DUSP22: variants seen among roughly 807,000 people sequenced by gnomAD.
DUSP22 encodes dual specificity phosphatase 22, also known as dual specificity protein phosphatase 22.
In DUSP22, 24 loss-of-function variants were observed where a neutral mutation model predicts 24.5. The ratio of observed to expected loss-of-function variants is 0.98; its 90% CI spans 0.71 to 1.38. DUSP22 has a LOEUF of 1.38. Ranked by LOEUF, DUSP22 falls within the 40% of genes most tolerant of loss-of-function variation. The pLI is 0.00. For synonymous variants in DUSP22, 160 were observed against 106.4 expected, an observed-to-expected ratio of 1.50 and a Z score of -3.10; for missense variants, 330 against 269.2, an observed-to-expected ratio of 1.23 and a Z score of -1.58.
At chr6:343,747 C>T (rs1283903437) in intron 4 of DUSP22, among the ~76,000 whole-genome samples, 1 of 50,068 alleles carries the variant, frequency 2.0e-5, no homozygotes, top group African/African-American at 9.3e-5. Flanking sequence ...CCTGGCTGTC[C>T]TCATCTCACT....
At chr6:313,082 A>G (rs1758181765) in intron 3 of DUSP22, among the ~76,000 whole-genome samples, 2 of 152,070 alleles carry the variant, frequency 1.3e-5, no homozygotes, top group Non-Finnish European at 2.9e-5. Flanking sequence ...GAAAATAACC[A>G]CTCCATTTTT....
At chr6:327,627 C>G (rs1219564954) in intron 3 of DUSP22, among the ~76,000 whole-genome samples, 1 of 152,300 alleles carries the variant, frequency 6.6e-6, no homozygotes, top group Admixed American at 6.5e-5. Context: ...GTGCCAGGGC[C>G]ATGCGCCTGT....
chr6:346,464 A>G (rs1268746408), intron 5 of DUSP22, among the ~76,000 whole-genome samples: 3 of 152,270 alleles, frequency 2.0e-5, no homozygotes, highest in Admixed American at 1.3e-4. Context: ...ACACAGTGAA[A>G]AGAAAGCTAC....
chr6:311,201 G>A (rs1758070039), intron 2 of DUSP22, among the ~76,000 whole-genome samples: 1 of 152,296 alleles, frequency 6.6e-6, no homozygotes, highest in Non-Finnish European at 1.5e-5. Context: ...ATGTCTACTT[G>A]GCATCAGTCT....
chr6:312,017 T>C, intron 3 of DUSP22, 55 bp downstream of exon 3: 3 of 1,569,240 alleles, frequency 1.9e-6, no homozygotes, highest in Non-Finnish European at 8.7e-7. Context: ...TCCGTGGGAG[T>C]ACCTACGACG....
chr6:318,687 A>G (rs1245093009), intron 3 of DUSP22, among the ~76,000 whole-genome samples: 1 of 152,310 alleles, frequency 6.6e-6, no homozygotes, highest in African/African-American at 2.4e-5. Context: ...CTCCAGGCAC[A>G]AGGAGGATAA....
intron 2 of DUSP22, among the ~76,000 whole-genome samples, chr6:305,618 A>G (rs1757785270): frequency 6.6e-6 from 1 of 152,300 alleles, no homozygotes; most frequent in Non-Finnish European, 1.5e-5. Context: ...GCTCTGGAGC[A>G]CGGTGGTCAC....
intron 3 of DUSP22, among the ~76,000 whole-genome samples, chr6:313,950 G>T (rs868643765): frequency 6.6e-6 from 1 of 152,312 alleles, no homozygotes; most frequent in Non-Finnish European, 1.5e-5. Context: ...GGGGCACAAA[G>T]GCAGTCTTCT....
Position 346,913 on chromosome 6 carries a change from G to A in DUSP22, c.263+985G>A, listed in dbSNP as rs921459047. 3.9e-5 allele frequency among the ~76,000 whole-genome samples: 6 copies of A among 152,306 alleles called. No homozygotes were observed. The South Asian group carries it at 8.3e-4, about 21-fold the overall frequency. ...AAAACTATAATGTGTTCTGAGGGCC[G>A]ATAGGGACGACAGGGAGGACGCTAG... On this transcript the variant is annotated intron_variant, in intron 5 of 6. Coordinates refer to ENST00000419235, the MANE Select transcript of DUSP22 (RefSeq NM_001286555.3).
chr6:323,067 C>T (rs1758684588), intron 3 of DUSP22, among the ~76,000 whole-genome samples: 1 of 152,308 alleles, frequency 6.6e-6, no homozygotes, highest in Non-Finnish European at 1.5e-5. Context: ...TGTTTGCCCA[C>T]ACCTGCAAGG....
At chr6:306,028 G>C (rs1229125142) in intron 2 of DUSP22, among the ~76,000 whole-genome samples, 1 of 152,306 alleles carries the variant, frequency 6.6e-6, no homozygotes, top group African/African-American at 2.4e-5. Flanking sequence ...AGAGCTGACA[G>C]CTGCTAATTG....
intron 3 of DUSP22, among the ~76,000 whole-genome samples, chr6:315,435 G>A (rs1478580603): frequency 1.3e-5 from 2 of 152,306 alleles, no homozygotes; most frequent in Non-Finnish European, 2.9e-5. Context: ...TGGGTAGCTT[G>A]ATGGGAAGCC....
At chr6:316,620 G>A (rs1316507382) in intron 3 of DUSP22, among the ~76,000 whole-genome samples, 4 of 152,290 alleles carry the variant, frequency 2.6e-5, no homozygotes, top group Non-Finnish European at 2.9e-5. Flanking sequence ...ATTGAGCAAT[G>A]AAAGGTTTCT....
At chr6:308,581 C>T (rs908171072) in intron 2 of DUSP22, among the ~76,000 whole-genome samples, 5 of 152,298 alleles carry the variant, frequency 3.3e-5, no homozygotes, top group East Asian at 3.8e-4. Context: ...AGTGGGCTGT[C>T]GTGATATCAA....
intron 3 of DUSP22, among the ~76,000 whole-genome samples, chr6:312,591 A>G (rs1758158633): frequency 6.6e-6 from 1 of 152,294 alleles, no homozygotes; most frequent in Non-Finnish European, 1.5e-5. Context: ...GCCTTGACAG[A>G]GCCCGAGTTA....
In DUSP22 at chr6:350,652, A is replaced by G. The variant is rs940315019; in HGVS notation, c.*1701A>G. ...CGTCTACAGCTAAAACAATTTGCCA[A>G]TAAAGTACATGTTTTTCCTAAGCCA... On this transcript the variant is annotated 3_prime_UTR_variant, in exon 7 of 7. Coordinates refer to ENST00000419235, the MANE Select transcript of DUSP22 (RefSeq NM_001286555.3). The G allele has an allele frequency of 7.3e-6, 11 of 1,501,086 alleles. No homozygotes were observed. Among genetic ancestry groups the G allele is most frequent in the African/African-American group, 1.4e-5 (1 of 71,414 alleles). 93.0% of individuals were successfully genotyped at this position (1,501,086 alleles called of 1,614,324 possible).
chr6:323,315 C>A (rs1758697791), intron 3 of DUSP22, among the ~76,000 whole-genome samples: 1 of 152,304 alleles, frequency 6.6e-6, no homozygotes, highest in Non-Finnish European at 1.5e-5. Context: ...TATTTCCCTC[C>A]TTTCAGTTAT....
At chr6:307,516 G>A (rs1227185640) in intron 2 of DUSP22, among the ~76,000 whole-genome samples, 4 of 152,296 alleles carry the variant, frequency 2.6e-5, no homozygotes, top group Non-Finnish European at 2.9e-5. Flanking sequence ...TTGGGTCTTC[G>A]ATGCTTTGGT....
In DUSP22 at chr6:335,343, C is replaced by T. The variant is rs531449268; in HGVS notation, c.188+180C>T. 1.1e-3 allele frequency among the ~76,000 whole-genome samples: 175 copies of T among 152,246 alleles called. No homozygotes were observed. The highest frequency in any genetic ancestry group is 2.5e-4 in the Non-Finnish European group (17 of 68,046). ...CTAGGCAGGCTGGGATGAGCTGTGG[C>T]AGGAGGCTCCTTGTGGTTGACTGGT... On this transcript the variant is annotated intron_variant, in intron 4 of 6. Transcript: ENST00000419235.
Sources: gnomAD v4.1 joint callset for allele counts (sites outside exome capture counted in the v4.1 genomes callset) on GRCh38, gnomAD v4.1.1 for gene constraint, MANE v1.5 for transcripts, NCBI Gene and HGNC (gene_info 2026-07-23, HGNC 2026-07-21) for gene names.